The following ZNF831 variants were observed in gnomAD, a reference collection of about 807,000 sequenced individuals.
ZNF831 encodes zinc finger protein 831.
ZNF831 carries 59 observed loss-of-function variants against 95.8 expected under a neutral mutation model. The ratio of observed to expected loss-of-function variants is 0.62; its 90% CI spans 0.50 to 0.77. The LOEUF is 0.77. ZNF831 is among the 30% of genes least tolerant of loss of function. ZNF831 has a pLI of 0.00. For missense variants in ZNF831, 2,205 were observed against 2,164.0 expected (o/e 1.02, Z -0.38); for synonymous variants, 961 against 925.5 (o/e 1.04, Z -0.70).
chr20:59,125,375 C>T (rs1173708660), intron 1 of ZNF831, among the ~76,000 whole-genome samples: 1 of 152,210 alleles, frequency 6.6e-6, no homozygotes, highest in African/African-American at 2.4e-5. Context: ...CCTAAATGCC[C>T]TGCTCCTCCA....
chr20:59,226,713 A>T (rs1474179631), intron 4 of ZNF831, among the ~76,000 whole-genome samples: 1 of 151,230 alleles, frequency 6.6e-6, no homozygotes, highest in East Asian at 1.9e-4. Context: ...TGGGGACATT[A>T]TGTTTTCTGC....
At chr20:59,253,163 C>T in intron 5 of ZNF831, 25 bp downstream of exon 5, 1 of 1,613,026 alleles carries the variant, frequency 6.2e-7, no homozygotes, top group Non-Finnish European at 8.5e-7. Flanking sequence ...TTTGAGCTGC[C>T]TCTACCTATT....
At chr20:59,222,476 C>G (rs1209355800) in intron 4 of ZNF831, among the ~76,000 whole-genome samples, 1 of 151,926 alleles carries the variant, frequency 6.6e-6, no homozygotes, top group East Asian at 1.9e-4. Flanking sequence ...AAGAAAGGCT[C>G]TGTTTTTCTC....
chr20:59,189,878 C>A (rs1983368514), intron 1 of ZNF831, among the ~76,000 whole-genome samples: 1 of 152,204 alleles, frequency 6.6e-6, no homozygotes, highest in African/African-American at 2.4e-5. Context: ...TGGTTGTTTT[C>A]TTGGGGAACG....
Position 59,208,800 on chromosome 20 carries a change from G to T in ZNF831, c.4027+1744G>T, listed in dbSNP as rs150856286. On this transcript the variant is annotated intron_variant, in intron 4 of 5. Transcript: ENST00000371030. The surrounding 1 kb of genome is among the most constrained non-coding windows in gnomAD (Gnocchi z 4.2). ...CCTGCTGAGACGCTGGCAGAGAGCT[G>T]GTAGCCCCCGCTACCTGGGAGGTTC... Among the ~76,000 whole-genome samples, 791 of 152,272 alleles carry T rather than the reference G, an allele frequency of 5.2e-3. 19 individuals are homozygous for T. Among genetic ancestry groups the T allele is most frequent in the Admixed American group, 0.034 (519 of 15,292 alleles).
Position 59,223,928 on chromosome 20 carries a change from G to A in ZNF831, c.4027+16872G>A, listed in dbSNP as rs758279990. Among the ~76,000 whole-genome samples, 81 of 152,202 alleles carry A rather than the reference G, an allele frequency of 5.3e-4. 2 individuals carry two copies. The highest frequency in any genetic ancestry group is 3.3e-4 in the Admixed American group (5 of 15,288). On this transcript the variant is annotated intron_variant, in intron 4 of 5. Transcript: ENST00000371030. ...TTCAAAGGCTGCCAGGAGGCCACGG[G>A]ACAGGAGGGAGGAAGGAAGGAGTCA...
At chr20:59,124,922 T>C (rs887453990) in intron 1 of ZNF831, among the ~76,000 whole-genome samples, 2 of 152,198 alleles carry the variant, frequency 1.3e-5, no homozygotes, top group Non-Finnish European at 2.9e-5. Context: ...TCAAGTCTGA[T>C]TGGAGGCGAT....
At chr20:59,178,901 G>A (rs983693253) in intron 1 of ZNF831, among the ~76,000 whole-genome samples, 4 of 152,144 alleles carry the variant, frequency 2.6e-5, no homozygotes, top group Non-Finnish European at 5.9e-5. Context: ...GGTGGGATTT[G>A]GGTCGTCCTC....
intron 4 of ZNF831, among the ~76,000 whole-genome samples, chr20:59,227,841 T>C (rs2146689654): frequency 6.6e-6 from 1 of 152,294 alleles, no homozygotes; most frequent in Non-Finnish European, 1.5e-5. Context: ...GCCATAATGA[T>C]AGTCACTTTA....
chr20:59,143,410 T>G (rs1012690603), intron 1 of ZNF831, among the ~76,000 whole-genome samples: 7 of 152,192 alleles, frequency 4.6e-5, no homozygotes, highest in African/African-American at 1.7e-4. Flanking sequence ...TGTCAGAAAC[T>G]TAGCTGGTCG....
chr20:59,212,890 G>C (rs1482299258), intron 4 of ZNF831, among the ~76,000 whole-genome samples: 1 of 152,188 alleles, frequency 6.6e-6, no homozygotes, highest in East Asian at 1.9e-4. Context: ...CATGGAAATT[G>C]ATTGCTAAGT....
At chr20:59,165,862 G>C (rs772476242) in intron 1 of ZNF831, among the ~76,000 whole-genome samples, 3 of 151,934 alleles carry the variant, frequency 2.0e-5, no homozygotes, top group Non-Finnish European at 2.9e-5. Context: ...CGATTCTTCT[G>C]CCTCAGCCTC....
chr20:59,244,577 C>G (rs1987500585), intron 4 of ZNF831, among the ~76,000 whole-genome samples: 1 of 152,160 alleles, frequency 6.6e-6, no homozygotes, highest in South Asian at 2.1e-4. Flanking sequence ...GTAGCATTGA[C>G]TTATCCAAGG....
At chr20:59,170,789 A>G (rs1981667774) in intron 1 of ZNF831, among the ~76,000 whole-genome samples, 1 of 152,166 alleles carries the variant, frequency 6.6e-6, no homozygotes, top group Admixed American at 6.5e-5. Flanking sequence ...CCTGGAAGAG[A>G]TGTGATTTGC....
At chr20:59,204,907 G>GAAA (rs1984779708) in intron 3 of ZNF831, among the ~76,000 whole-genome samples, 1 of 152,188 alleles carries the variant, frequency 6.6e-6, no homozygotes, top group African/African-American at 2.4e-5. Flanking sequence ...AGGAGAGAGA[G>GAAA]AAACGTACCC....
In ZNF831 at chr20:59,194,070, A is replaced by C. The variant is rs955931721; in HGVS notation, c.3051A>C (p.Arg1017Ser). 1 of 1,531,776 alleles carries C rather than the reference A, an allele frequency of 6.5e-7. No individual in the cohort carries two copies. The highest frequency in any genetic ancestry group is 2.3e-5 in the East Asian group (1 of 44,162). 94.9% of individuals were successfully genotyped at this position (1,531,776 alleles called of 1,614,324 possible). The change falls in exon 2 of 6, where the codon AGA becomes AGC. Residue 1017 changes from arginine (R) to serine (S), a missense_variant. Transcript: ENST00000371030. ...GCTGTTCCAGGCCACAGGATGGGAG[A>C]AAAGGGGCACAGTTGGGGGGGGACA... is the stretch of plus-strand genomic sequence containing the variant. ...DPSCSRPQDG[R>S]KGAQLGGDKG...
intron 4 of ZNF831, among the ~76,000 whole-genome samples, chr20:59,247,073 G>A (rs945657559): frequency 1.3e-5 from 2 of 152,152 alleles, no homozygotes; most frequent in African/African-American, 4.8e-5. Context: ...AGAAACAAAT[G>A]AATTTACTGT....
intron 4 of ZNF831, among the ~76,000 whole-genome samples, chr20:59,245,488 A>G (rs948180403): frequency 2.0e-5 from 3 of 152,064 alleles, no homozygotes; most frequent in African/African-American, 7.2e-5. Context: ...GGGTTTCTCA[A>G]CCTGGGCACT....
intron 1 of ZNF831, among the ~76,000 whole-genome samples, chr20:59,166,764 G>A (rs1282176090): frequency 6.6e-6 from 1 of 152,176 alleles, no homozygotes; most frequent in African/African-American, 2.4e-5. Context: ...TCAACGGTAT[G>A]CTTCTTTTTA....
Sources: gnomAD v4.1 joint callset for allele counts (sites outside exome capture counted in the v4.1 genomes callset) on GRCh38, gnomAD v4.1.1 for gene constraint, Gnocchi (gnomAD v3.1) non-coding constraint, MANE v1.5 for transcripts, NCBI Gene and HGNC (gene_info 2026-07-23, HGNC 2026-07-21) for gene names.